The following CLIP2 variants were observed in gnomAD, a reference collection of about 807,000 sequenced individuals.
The protein encoded by CLIP2 is CAP-Gly domain-containing linker protein 2.
In CLIP2, 41 loss-of-function variants were observed where a neutral mutation model predicts 111.7. That is an observed-to-expected ratio of 0.37 (90% CI 0.29 to 0.48). CLIP2 has a LOEUF of 0.48. Ranked by LOEUF, CLIP2 falls within the 20% of genes least tolerant of loss-of-function variation. The pLI, the probability that CLIP2 is intolerant of heterozygous loss-of-function variation, is 0.99. For missense variants in CLIP2, 1,160 were observed against 1,422.1 expected (o/e 0.82, Z 2.96); for synonymous variants, 660 against 644.2 (o/e 1.02, Z -0.37).
intron 2 of CLIP2, among the ~76,000 whole-genome samples, chr7:74,331,132 G>A (rs1434248771): frequency 1.4e-5 from 2 of 139,988 alleles, no homozygotes; most frequent in East Asian, 2.2e-4. Context: ...CTTGAACCCA[G>A]GAGGTAGAGG....
chr7:74,353,798 G>C, intron 3 of CLIP2, 82 bp from the exon 4 acceptor site: 1 of 1,593,330 alleles, frequency 6.3e-7, no homozygotes, highest in Middle Eastern at 1.7e-4. Context: ...GGATGGATGG[G>C]ATAAGCCTGG....
At chr7:74,361,205 T>TTCCTTCCTTCCC (rs782265285) in intron 7 of CLIP2, among the ~76,000 whole-genome samples, 19 of 123,580 alleles carry the variant, frequency 1.5e-4, no homozygotes, top group East Asian at 8.4e-4. Flanking sequence ...CCTTCCTTCC[T>TTCCTTCCTTCCC]TCCCTCCCTC....
chr7:74,345,756 A>G (rs1391617082), intron 3 of CLIP2, among the ~76,000 whole-genome samples: 1 of 151,766 alleles, frequency 6.6e-6, no homozygotes, highest in African/African-American at 2.4e-5. Flanking sequence ...CTGAGGCAGG[A>G]GAATCGCTTG....
Position 74,322,653 on chromosome 7 carries a change from A to G in CLIP2, c.121+4986A>G, listed in dbSNP as rs544194737. 4.0e-5 allele frequency among the ~76,000 whole-genome samples: 6 copies of G among 151,100 alleles called. No individual in the cohort carries two copies. The East Asian group carries it at 9.9e-4, about 25-fold the overall frequency. ...TCCTGGCCTCAAGCAATCCATCCTC[A>G]CACCTTGACCTCCCAAAATTCTGGA... is the stretch of plus-strand genomic sequence containing the variant. On this transcript the variant is annotated intron_variant, in intron 2 of 16. Transcript: ENST00000223398.
At chr7:74,385,831 C>T (rs1266267021) in intron 11 of CLIP2, among the ~76,000 whole-genome samples, 1 of 151,086 alleles carries the variant, frequency 6.6e-6, no homozygotes, top group African/African-American at 2.4e-5. Flanking sequence ...CAACCTCTGC[C>T]TCCCAAGTTC....
At chr7:74,290,031 G>A (rs1787967797) in intron 1 of CLIP2, among the ~76,000 whole-genome samples, 1 of 152,208 alleles carries the variant, frequency 6.6e-6, no homozygotes, top group Admixed American at 6.5e-5. Flanking sequence ...GCCTCATCGG[G>A]GTCCCTACCC....
At chr7:74,334,219 G>A (rs1584334918) in intron 2 of CLIP2, among the ~76,000 whole-genome samples, 1 of 152,196 alleles carries the variant, frequency 6.6e-6, no homozygotes, top group African/African-American at 2.4e-5. Context: ...ATGTCTCAGC[G>A]TGCATGGAAT....
Position 74,399,544 on chromosome 7 carries a change from G to GA in CLIP2, c.2881-826_2881-825insA, listed in dbSNP as rs1430339996. Among the ~76,000 whole-genome samples, 103 of 59,418 alleles carry GA rather than the reference G, an allele frequency of 1.7e-3. 1 individual carries two copies. Among genetic ancestry groups the GA allele is most frequent in the Non-Finnish European group, 3.8e-4 (14 of 36,640 alleles). 39.0% of individuals were successfully genotyped at this position (59,418 alleles called of 152,430 possible). Reference sequence around the variant, plus strand: ...TAGAGTGAGACTCAGTCTTTTTTTGGGGGGGGGGGGGTGGGGACCAAGTCT... The same window carrying GA: ...TAGAGTGAGACTCAGTCTTTTTTTGGAGGGGGGGGGGGTGGGGACCAAGTCT... On this transcript the variant is annotated intron_variant, in intron 14 of 16. Transcript: ENST00000223398.
At chr7:74,360,882 C>A (rs188570440) in intron 7 of CLIP2, among the ~76,000 whole-genome samples, 2 of 152,144 alleles carry the variant, frequency 1.3e-5, no homozygotes, top group East Asian at 3.9e-4. Flanking sequence ...GTTCACTGTT[C>A]CTGCACTCTC....
chr7:74,389,401 C>G, intron 13 of CLIP2, 142 bp downstream of exon 13: 1 of 785,284 alleles, frequency 1.3e-6, no homozygotes, highest in Non-Finnish European at 2.0e-6. Flanking sequence ...GATCACCCTG[C>G]TCTCCTCTAA....
chr7:74,387,603 G>A (rs1791150525), intron 12 of CLIP2, among the ~76,000 whole-genome samples: 1 of 152,120 alleles, frequency 6.6e-6, no homozygotes, highest in African/African-American at 2.4e-5. Flanking sequence ...GCATGAGACA[G>A]CCCCCCTCCT....
In CLIP2 at chr7:74,304,894, A is replaced by C. The variant is rs1788433492; in HGVS notation, c.-67-12586A>C. ...CAGGAGTTCAAGGCTACAGTGAGCT[A>C]TGATTGCATCACTACACTCTTGCCT... On this transcript the variant is annotated intron_variant, in intron 1 of 16. Coordinates refer to ENST00000223398, the MANE Select transcript of CLIP2 (RefSeq NM_003388.5). 2.0e-5 allele frequency among the ~76,000 whole-genome samples: 3 copies of C among 152,256 alleles called. No homozygotes were observed. The South Asian group carries it at 6.2e-4, about 32-fold the overall frequency.
At chr7:74,370,597 T>TCCCCCC (rs1243939173) in intron 8 of CLIP2, among the ~76,000 whole-genome samples, 1 of 13,452 alleles carries the variant, frequency 7.4e-5, no homozygotes, top group Admixed American at 6.4e-4. Context: ...GGCCCAACCC[T>TCCCCCC]CCCCCCCACC....
intron 10 of CLIP2, among the ~76,000 whole-genome samples, chr7:74,377,025 G>A (rs1790812520): frequency 6.6e-6 from 1 of 152,134 alleles, no homozygotes; most frequent in Admixed American, 6.6e-5. Context: ...CTGGTGACCA[G>A]GGAGAACCGA....
In CLIP2 at chr7:74,353,937, G is replaced by A; in HGVS notation, c.736G>A (p.Gly246Ser). 1 of 1,614,186 alleles carries A rather than the reference G, an allele frequency of 6.2e-7. No individual in the cohort carries two copies. Among genetic ancestry groups the A allele is most frequent in the Non-Finnish European group, 8.5e-7 (1 of 1,180,016 alleles). ...RYVGETDFAKGEWCGVELDEP... is the reference protein window; with the variant it reads ...RYVGETDFAKSEWCGVELDEP... ...CGTGGGGGAGACAGACTTTGCCAAG[G>A]GCGAGTGGTGTGGCGTGGAGCTGGA... The change falls in exon 4 of 17, where the codon GGC (glycine) becomes AGC (serine). Residue 246 changes from glycine (G) to serine (S), a missense_variant. Around this residue, in one of 5 missense-constraint regions of CLIP2, gnomAD observed 110 missense variants for 185.2 expected, o/e 0.59. Coordinates refer to ENST00000223398, the MANE Select transcript of CLIP2 (RefSeq NM_003388.5).
chr7:74,339,046 C>A (rs558971062), intron 3 of CLIP2, 42 bp downstream of exon 3: 2 of 1,548,176 alleles, frequency 1.3e-6, no homozygotes, highest in East Asian at 2.3e-5. Flanking sequence ...AGCTTCCCTT[C>A]CCTCCCCTGC....
chr7:74,305,855 A>ACCCCCCCCCCCCCCC (rs1478628381), intron 1 of CLIP2, among the ~76,000 whole-genome samples: 21 of 52,286 alleles, frequency 4.0e-4, no homozygotes, highest in East Asian at 1.5e-3. Context: ...CTGCACCCCA[A>ACCCCCCCCCCCCCCC]CCCCCCCCCA....
rs1205542338 is a variant in CLIP2 at position 74,400,430 on chromosome 7, C to T, written c.2941C>T (p.Pro981Ser). The change falls in exon 15 of 17, where the codon CCC becomes TCC. Residue 981 changes from proline to serine, a missense_variant. This residue lies in a region of CLIP2 where 676 missense variants were observed against 777.8 expected (regional missense o/e 0.87). Transcript: ENST00000223398. ...CTCCCTCATCGACCGGTCCTCGGCGCCCGAGCTTCTGCGGCTGCAGCACCA... is the reference window on the plus strand; with the variant it reads ...CTCCCTCATCGACCGGTCCTCGGCGTCCGAGCTTCTGCGGCTGCAGCACCA... Reference protein sequence around the residue: ...RYSLIDRSSAPELLRLQHQLM... With the variant: ...RYSLIDRSSASELLRLQHQLM... 16 of 1,613,952 alleles carry T rather than the reference C, an allele frequency of 9.9e-6. No homozygotes were observed. Among genetic ancestry groups the T allele is most frequent in the Non-Finnish European group, 1.4e-5 (16 of 1,179,946 alleles).
Position 74,392,286 on chromosome 7 carries a change from G to C in CLIP2, c.2720+3027G>C, listed in dbSNP as rs555416980. 2.0e-4 allele frequency among the ~76,000 whole-genome samples: 31 copies of C among 151,262 alleles called. No homozygotes were observed. In the South Asian group the frequency reaches 6.0e-3, roughly 29 times the overall value. On this transcript the variant is annotated intron_variant, in intron 13 of 16. Coordinates refer to ENST00000223398, the MANE Select transcript of CLIP2 (RefSeq NM_003388.5). The stretch of plus-strand genomic sequence containing the variant: ...GAATGGCGTGAACCTAGGAGGCGGA[G>C]CTTGGAGTGAGCCAAGATCACGCCG...
Sources: gnomAD v4.1 joint callset for allele counts (sites outside exome capture counted in the v4.1 genomes callset) on GRCh38, gnomAD v4.1.1 for gene constraint, gnomAD v4.1.1 regional missense constraint, MANE v1.5 for transcripts, NCBI Gene and HGNC (gene_info 2026-07-23, HGNC 2026-07-21) for gene names.